GPC5: variants seen among roughly 807,000 people sequenced by gnomAD.
GPC5 encodes glypican 5.
In GPC5, 47 loss-of-function variants were observed where a neutral mutation model predicts 53.9. The observed-to-expected ratio is 0.87, with a 90% CI of 0.69 to 1.11. The LOEUF is 1.11. Ranked by LOEUF, GPC5 falls within the 50% of genes most tolerant of loss-of-function variation. GPC5 has a pLI of 0.00. For synonymous variants in GPC5, 286 were observed against 263.3 expected (o/e 1.09, Z -0.84); for missense variants, 748 against 713.1 (o/e 1.05, Z -0.56).
At chr13:91,478,139 A>T (rs1042887453) in intron 2 of GPC5, among the ~76,000 whole-genome samples, 1 of 151,688 alleles carries the variant, frequency 6.6e-6, no homozygotes, top group Non-Finnish European at 1.5e-5. Flanking sequence ...TGTTAAATTT[A>T]TATGTTCTTT....
intron 7 of GPC5, among the ~76,000 whole-genome samples, chr13:92,584,014 A>G (rs1021841127): frequency 2.6e-5 from 4 of 152,232 alleles, no homozygotes; most frequent in African/African-American, 7.2e-5. Flanking sequence ...TGTAAGTCCA[A>G]TGAAACCTCT....
intron 6 of GPC5, among the ~76,000 whole-genome samples, chr13:92,131,675 A>T (rs1440208940): frequency 6.6e-6 from 1 of 151,956 alleles, no homozygotes; most frequent in East Asian, 1.9e-4. Flanking sequence ...TCAGTATAGG[A>T]GTTACCTTTT....
chr13:91,805,270 A>G (rs1370472454), intron 5 of GPC5, among the ~76,000 whole-genome samples: 2 of 152,216 alleles, frequency 1.3e-5, no homozygotes, highest in African/African-American at 4.8e-5. Context: ...ATCTAAAGCT[A>G]AAAATGAGAG....
intron 7 of GPC5, among the ~76,000 whole-genome samples, chr13:92,792,645 C>T (rs1876506131): frequency 6.6e-6 from 1 of 152,104 alleles, no homozygotes; most frequent in Admixed American, 6.6e-5. Context: ...GGAGACCCAT[C>T]TCATGTGCAG....
chr13:92,186,480 TA>T (rs1482369064), intron 7 of GPC5, among the ~76,000 whole-genome samples: 1 of 151,988 alleles, frequency 6.6e-6, no homozygotes, highest in Non-Finnish European at 1.5e-5. Context: ...ATATAATAAA[TA>T]GGTTTCTATA....
chr13:92,159,340 T>G (rs182961721), intron 7 of GPC5, among the ~76,000 whole-genome samples: 87 of 152,260 alleles, frequency 5.7e-4, no homozygotes, highest in African/African-American at 1.9e-3. Flanking sequence ...CCAGACATGT[T>G]TAGCTCTTAT....
At chr13:91,552,310 C>T (rs1249424453) in intron 2 of GPC5, among the ~76,000 whole-genome samples, 1 of 151,950 alleles carries the variant, frequency 6.6e-6, no homozygotes, top group Admixed American at 6.6e-5. Context: ...AAGATGGACA[C>T]AGCTCCGTGA....
intron 2 of GPC5, among the ~76,000 whole-genome samples, chr13:91,587,149 G>C (rs2032627068): frequency 6.6e-6 from 1 of 151,822 alleles, no homozygotes; most frequent in Non-Finnish European, 1.5e-5. Context: ...GATTTTTCTG[G>C]GTGGTATACT....
At chr13:92,769,684 G>T (rs1875538348) in intron 7 of GPC5, among the ~76,000 whole-genome samples, 1 of 152,176 alleles carries the variant, frequency 6.6e-6, no homozygotes, top group South Asian at 2.1e-4. Context: ...GCAGGTAGGA[G>T]ACTGCCATCC....
intron 7 of GPC5, among the ~76,000 whole-genome samples, chr13:92,351,673 G>A (rs2043478845): frequency 6.6e-6 from 1 of 152,058 alleles, no homozygotes; most frequent in Non-Finnish European, 1.5e-5. Context: ...GATGCATAGA[G>A]ACAATTAGTA....
intron 7 of GPC5, among the ~76,000 whole-genome samples, chr13:92,285,722 C>A (rs900673372): frequency 7.9e-5 from 12 of 152,128 alleles, no homozygotes; most frequent in Non-Finnish European, 1.5e-4. Context: ...CTTCCTTACA[C>A]CTTATACAAA....
intron 7 of GPC5, among the ~76,000 whole-genome samples, chr13:92,656,882 A>G (rs142253125): frequency 1.6e-4 from 25 of 152,348 alleles, no homozygotes; most frequent in African/African-American, 5.8e-4. Flanking sequence ...CTTGAGCCCA[A>G]GTGTTCAACG....
Position 91,756,379 on chromosome 13 carries a change from A to T in GPC5, c.1239A>T (p.Ala413=). 1.1e-5 allele frequency: 18 copies of T among 1,595,240 alleles called. No homozygotes were observed. Among genetic ancestry groups the T allele is most frequent in the Non-Finnish European group, 1.5e-5 (18 of 1,166,290 alleles). The change falls in exon 5 of 8, where the codon GCA becomes GCT. Residue 413 remains alanine (A), a synonymous_variant. Coordinates refer to ENST00000377067, the MANE Select transcript of GPC5 (RefSeq NM_004466.6). ...TTTGTGCTAATGAATTAGCTGCTGC[A>T]GATGGACTTCCCTGCTGGAATGGAG... ...DQLCANELAA[A]DGLPCWNGED...
intron 6 of GPC5, among the ~76,000 whole-genome samples, chr13:92,137,990 A>T (rs908688990): frequency 5.3e-5 from 8 of 152,070 alleles, no homozygotes; most frequent in African/African-American, 1.4e-4. Context: ...GGATGTTGAC[A>T]GTGGGGGAAG....
intron 7 of GPC5, among the ~76,000 whole-genome samples, chr13:92,541,951 G>A (rs1482894082): frequency 1.3e-5 from 2 of 151,790 alleles, no homozygotes; most frequent in Non-Finnish European, 2.9e-5. Context: ...GTCTACTTCT[G>A]AAGTCTTTTC....
At chr13:92,785,809 T>C (rs1876211667) in intron 7 of GPC5, among the ~76,000 whole-genome samples, 2 of 152,222 alleles carry the variant, frequency 1.3e-5, no homozygotes, top group Non-Finnish European at 1.5e-5. Flanking sequence ...CTCTGTGCAG[T>C]ACAATATTCT....
chr13:91,748,024 G>A (rs1374416780), intron 4 of GPC5, among the ~76,000 whole-genome samples: 2 of 152,106 alleles, frequency 1.3e-5, no homozygotes, highest in Non-Finnish European at 2.9e-5. Context: ...TTCTCATCCC[G>A]GACCAATAAA....
chr13:92,229,657 T>TA (rs1235613577), intron 7 of GPC5, among the ~76,000 whole-genome samples: 3 of 152,150 alleles, frequency 2.0e-5, no homozygotes, highest in Non-Finnish European at 2.9e-5. Flanking sequence ...TGCCTGGCCA[T>TA]AATGTCAGCC....
At chr13:92,791,638 T>A (rs1481087077) in intron 7 of GPC5, among the ~76,000 whole-genome samples, 1 of 151,742 alleles carries the variant, frequency 6.6e-6, no homozygotes, top group Non-Finnish European at 1.5e-5. Flanking sequence ...AAAAAAAAAA[T>A]GTTAGTCTAA....
Sources: gnomAD v4.1 joint callset for allele counts (sites outside exome capture counted in the v4.1 genomes callset) on GRCh38, gnomAD v4.1.1 for gene constraint, MANE v1.5 for transcripts, NCBI Gene and HGNC (gene_info 2026-07-23, HGNC 2026-07-21) for gene names.